The following ULK4 variants were observed in gnomAD, a reference collection of about 807,000 sequenced individuals.
ULK4 encodes inactive serine/threonine-protein kinase ULK4.
In ULK4, 133 loss-of-function variants were observed where a neutral mutation model predicts 160.6. The observed-to-expected ratio is 0.83, with a 90% CI of 0.72 to 0.96. The LOEUF is 0.96. Among genes scored for constraint, ULK4 ranks in the 40% least tolerant of loss-of-function variants. ULK4 has a pLI of 0.00. For synonymous variants in ULK4, 534 were observed against 539.8 expected, an observed-to-expected ratio of 0.99 and a Z score of 0.15; for missense variants, 1,580 against 1,499.5, an observed-to-expected ratio of 1.05 and a Z score of -0.89.
At chr3:41,514,605 CA>C (rs1326934483) in intron 32 of ULK4, among the ~76,000 whole-genome samples, 1 of 152,084 alleles carries the variant, frequency 6.6e-6, no homozygotes, top group Admixed American at 6.6e-5. Context: ...GCCATAAAAA[CA>C]ATGAAATCAT....
At chr3:41,811,508 T>C (rs1180091478) in intron 19 of ULK4, among the ~76,000 whole-genome samples, 1 of 152,190 alleles carries the variant, frequency 6.6e-6, no homozygotes, top group Non-Finnish European at 1.5e-5. Context: ...CTTTTCCTTC[T>C]AATCCTTGTA....
At chr3:41,916,704 A>AT (rs34268274) in intron 7 of ULK4, among the ~76,000 whole-genome samples, 86,905 of 126,842 alleles carry the variant, frequency 0.69, 32,256 homozygotes, top group Non-Finnish European at 0.82. Flanking sequence ...AGCTCCAACT[A>AT]TTTTTTTTTT....
At chr3:41,418,120 C>A (rs1456651303) in intron 34 of ULK4, among the ~76,000 whole-genome samples, 3 of 152,120 alleles carry the variant, frequency 2.0e-5, no homozygotes, top group African/African-American at 7.2e-5. Context: ...CGCTTTTTCA[C>A]AACTATAAGT....
intron 17 of ULK4, among the ~76,000 whole-genome samples, chr3:41,875,722 A>G (rs1464333138): frequency 1.3e-5 from 2 of 150,838 alleles, no homozygotes; most frequent in Non-Finnish European, 2.9e-5. Flanking sequence ...GTTTTTTTTT[A>G]GAAAAATGTT....
At chr3:41,843,560 A>G (rs1052159830) in intron 17 of ULK4, among the ~76,000 whole-genome samples, 8 of 151,774 alleles carry the variant, frequency 5.3e-5, no homozygotes, top group Non-Finnish European at 1.2e-4. Flanking sequence ...ACAGCTCTTA[A>G]GGCAGTGCTC....
At chr3:41,477,903 T>C (rs1162688571) in intron 32 of ULK4, among the ~76,000 whole-genome samples, 7 of 152,372 alleles carry the variant, frequency 4.6e-5, no homozygotes, top group African/African-American at 1.7e-4. Flanking sequence ...AAGATTTGCC[T>C]ATGCTATTTT....
At chr3:41,583,708 G>C (rs1575448278) in intron 31 of ULK4, among the ~76,000 whole-genome samples, 1 of 152,148 alleles carries the variant, frequency 6.6e-6, no homozygotes, top group African/African-American at 2.4e-5. Context: ...CCCACTCTTC[G>C]ATGGACTTTT....
intron 17 of ULK4, among the ~76,000 whole-genome samples, chr3:41,850,098 G>C (rs1358714090): frequency 6.6e-6 from 1 of 152,142 alleles, no homozygotes; most frequent in African/African-American, 2.4e-5. Context: ...TGCTGAGAAT[G>C]ATGGTTTCCA....
chr3:41,282,362 A>G lies in ULK4; in HGVS notation c.3679-32788T>C, dbSNP rs961552779. ...GCCAAGATAATTCTAAGCCAAAAGA[A>G]CAAAGCTGGAGGCATCATGCTACCT... On this transcript the variant is annotated intron_variant, in intron 35 of 36. Coordinates refer to ENST00000301831, the MANE Select transcript of ULK4 (RefSeq NM_017886.4). Among the ~76,000 whole-genome samples, 298 of 152,340 alleles carry G rather than the reference A, an allele frequency of 2.0e-3. 3 individuals are homozygous for G. The highest frequency in any genetic ancestry group is 7.1e-3 in the African/African-American group (294 of 41,582).
At chr3:41,386,228 C>A (rs1464334676) in intron 35 of ULK4, among the ~76,000 whole-genome samples, 2 of 152,056 alleles carry the variant, frequency 1.3e-5, no homozygotes, top group Non-Finnish European at 2.9e-5. Context: ...ATACATATTC[C>A]TTTTTTTACA....
At chr3:41,645,890 T>C (rs557391333) in intron 30 of ULK4, among the ~76,000 whole-genome samples, 9 of 152,338 alleles carry the variant, frequency 5.9e-5, no homozygotes, top group Non-Finnish European at 8.8e-5. Flanking sequence ...ATTAGGTGCA[T>C]ATATATTTAG....
At chr3:41,421,143 A>C (rs969107480) in intron 34 of ULK4, among the ~76,000 whole-genome samples, 1 of 132,434 alleles carries the variant, frequency 7.6e-6, no homozygotes, top group Non-Finnish European at 1.6e-5. Flanking sequence ...AAAAGAAAAG[A>C]AAAGCTATTA....
At chr3:41,372,677 T>C (rs1205175780) in intron 35 of ULK4, among the ~76,000 whole-genome samples, 1 of 152,204 alleles carries the variant, frequency 6.6e-6, no homozygotes, top group Non-Finnish European at 1.5e-5. Flanking sequence ...TACCAGCCAC[T>C]GCAGAAACAA....
intron 30 of ULK4, among the ~76,000 whole-genome samples, chr3:41,657,337 T>C (rs2034974635): frequency 1.3e-5 from 2 of 152,156 alleles, no homozygotes; most frequent in South Asian, 2.1e-4. Context: ...CTAATAGTTA[T>C]TACATGGTAC....
At chr3:41,271,788 A>C (rs1016191511) in intron 35 of ULK4, among the ~76,000 whole-genome samples, 2 of 148,934 alleles carry the variant, frequency 1.3e-5, no homozygotes, top group Non-Finnish European at 2.9e-5. Flanking sequence ...GATTGTTTCC[A>C]GATTTGGGCT....
chr3:41,644,922 G>A (rs2034410153), intron 30 of ULK4, among the ~76,000 whole-genome samples: 2 of 152,148 alleles, frequency 1.3e-5, no homozygotes, highest in South Asian at 4.1e-4. Context: ...TTAGTCTTGG[G>A]AGGGTGTATG....
chr3:41,715,317 A>C, intron 24 of ULK4, 24 bp from the exon 25 acceptor site: 2 of 1,612,934 alleles, frequency 1.2e-6, no homozygotes, highest in Non-Finnish European at 1.7e-6. Flanking sequence ...GTTTCTACAG[A>C]TTAAATTCTG....
chr3:41,460,666 T>C (rs2083661201), intron 33 of ULK4, among the ~76,000 whole-genome samples: 1 of 152,146 alleles, frequency 6.6e-6, no homozygotes, highest in Non-Finnish European at 1.5e-5. Flanking sequence ...GAGAAAGTCA[T>C]GGCCCACAGG....
chr3:41,395,258 T>C (rs1373425018), intron 35 of ULK4, among the ~76,000 whole-genome samples: 2 of 150,896 alleles, frequency 1.3e-5, no homozygotes, highest in African/African-American at 4.9e-5. Context: ...CCATTCCCAT[T>C]AGCCAAATCT....
Sources: gnomAD v4.1 joint callset for allele counts (sites outside exome capture counted in the v4.1 genomes callset) on GRCh38, gnomAD v4.1.1 for gene constraint, MANE v1.5 for transcripts, NCBI Gene and HGNC (gene_info 2026-07-23, HGNC 2026-07-21) for gene names.